The following GKAP1 variants were observed in gnomAD, a reference collection of about 807,000 sequenced individuals.
The protein encoded by GKAP1 is G kinase anchoring protein 1, also known as G kinase-anchoring protein 1.
A neutral mutation model predicts 56.7 loss-of-function variants in GKAP1; 31 were observed. The observed-to-expected ratio is 0.55, with a 90% CI of 0.41 to 0.74. The LOEUF (loss-of-function observed/expected upper bound fraction) is 0.74, where lower values mean the gene tolerates loss of function less well. Among genes scored for constraint, GKAP1 ranks in the 30% least tolerant of loss-of-function variants. The probability of loss-of-function intolerance (pLI) is 0.00; values close to 1 mark genes in which losing one functional copy is unlikely to be tolerated. For missense variants in GKAP1, 364 were observed against 402.3 expected (o/e 0.90, Z 0.82); for synonymous variants, 151 against 138.6 (o/e 1.09, Z -0.63).
At chr9:83,745,624 G>A (rs930260928) in intron 10 of GKAP1, among the ~76,000 whole-genome samples, 3 of 151,906 alleles carry the variant, frequency 2.0e-5, no homozygotes, top group African/African-American at 4.8e-5. Context: ...CATCCAATAC[G>A]CAATGATACT....
intron 8 of GKAP1, among the ~76,000 whole-genome samples, chr9:83,756,180 G>A (rs1943472069): frequency 6.6e-6 from 1 of 151,560 alleles, no homozygotes; most frequent in Non-Finnish European, 1.5e-5. Flanking sequence ...ATTATTTCAT[G>A]TATAAGAATT....
At chr9:83,794,545 C>A (rs1944212384) in intron 4 of GKAP1, among the ~76,000 whole-genome samples, 1 of 152,132 alleles carries the variant, frequency 6.6e-6, no homozygotes, top group African/African-American at 2.4e-5. Context: ...AGAGAACTTG[C>A]TATTGTGCAC....
intron 7 of GKAP1, among the ~76,000 whole-genome samples, chr9:83,779,922 A>G (rs991094123): frequency 1.3e-5 from 2 of 152,016 alleles, no homozygotes; most frequent in Non-Finnish European, 1.5e-5. Flanking sequence ...CTAACAGTGA[A>G]TGGTAAGAGA....
At position 83,806,352 on chromosome 9, in the gene GKAP1, T is replaced by G; in HGVS notation, c.166A>C (p.Arg56=). The G allele has an allele frequency of 6.4e-7, 1 of 1,558,370 alleles. No homozygotes were observed. The highest frequency in any genetic ancestry group is 8.7e-7 in the Non-Finnish European group (1 of 1,150,162). Reference sequence around the variant, plus strand: ...TCCTTCTTTTTTCTTCTTTTCTCTCTTTTTTTCTCATTTGTAGTTGACTTG... The same window carrying G: ...TCCTTCTTTTTTCTTCTTTTCTCTCGTTTTTTCTCATTTGTAGTTGACTTG... ...GSKSTTNEKK[R]EKRRKKKEQQ... The change falls in exon 3 of 13, where the codon AGA becomes CGA. Residue 56 remains arginine (R), a synonymous_variant. Coordinates refer to ENST00000376371, the MANE Select transcript of GKAP1 (RefSeq NM_025211.4).
intron 10 of GKAP1, among the ~76,000 whole-genome samples, chr9:83,747,110 GTTTCT>G (rs1375797088): frequency 6.6e-6 from 1 of 152,132 alleles, no homozygotes; most frequent in Non-Finnish European, 1.5e-5. Context: ...CTTAATCTGT[GTTTCT>G]TTTGTGGTTT....
chr9:83,779,484 CATAT>C (rs1564201565), intron 7 of GKAP1, among the ~76,000 whole-genome samples: 1 of 85,672 alleles, frequency 1.2e-5, no homozygotes, highest in Non-Finnish European at 2.5e-5. Flanking sequence ...CATATACATA[CATAT>C]ATACACATAT....
Position 83,795,156 on chromosome 9 carries a change from CAA to C in GKAP1, c.360+4027_360+4028del, listed in dbSNP as rs1031439217. On this transcript the variant is annotated intron_variant, in intron 4 of 12. Transcript: ENST00000376371. ...GGGCGACAAGAGCGAGACTCCATCT[CAA>C]AAAAAAAAAAAAAAAAAAAAAGTGA... 3.2e-3 allele frequency among the ~76,000 whole-genome samples: 204 copies of C among 64,456 alleles called. 1 individual carries two copies. Among genetic ancestry groups the C allele is most frequent in the East Asian group, 0.03 (76 of 2,530 alleles). The allele number at this position is 64,456 out of a possible 152,430, so 42.3% of individuals were successfully genotyped here.
At chr9:83,749,226 CTTTTTTTTTT>C (rs545961620) in intron 9 of GKAP1, 1 of 135,122 alleles carries the variant, frequency 7.4e-6, no homozygotes, top group African/African-American at 2.7e-5. Flanking sequence ...TATTTATTTA[CTTTTTTTTTT>C]TTTTTTTTGA....
At chr9:83,741,924 A>C in intron 12 of GKAP1, 28 bp downstream of exon 12, 1 of 1,385,626 alleles carries the variant, frequency 7.2e-7, no homozygotes. Flanking sequence ...ATTTGTGATA[A>C]AAACACTTAT....
chr9:83,765,509 C>T (rs564717431), intron 8 of GKAP1, among the ~76,000 whole-genome samples: 5 of 152,316 alleles, frequency 3.3e-5, no homozygotes, highest in African/African-American at 7.2e-5. Flanking sequence ...GATCCACCCA[C>T]GGTTTGCACC....
At position 83,806,116 on chromosome 9, in the gene GKAP1, C is replaced by CA. The variant is rs879686695; in HGVS notation, c.216+185dup. ...TAGGTGACAGAGTGAGACCCTGTCTCAAAAAAAAAAAAAGATCATTACATT... is the reference window on the plus strand; with the variant it reads ...TAGGTGACAGAGTGAGACCCTGTCTCAAAAAAAAAAAAAAGATCATTACATT... On this transcript the variant is annotated intron_variant, in intron 3 of 12. Coordinates refer to ENST00000376371, the MANE Select transcript of GKAP1 (RefSeq NM_025211.4). 3.6e-3 allele frequency among the ~76,000 whole-genome samples: 458 copies of CA among 128,216 alleles called. 1 individual carries two copies. Among genetic ancestry groups the CA allele is most frequent in the African/African-American group, 7.8e-3 (273 of 34,852 alleles). The allele number at this position is 128,216 out of a possible 152,430, so 84.1% of individuals were successfully genotyped here. A position where few individuals can be genotyped will look rare whatever the true frequency, so the allele number is the denominator to read the frequency against.
intron 4 of GKAP1, among the ~76,000 whole-genome samples, chr9:83,792,198 T>C (rs190680780): frequency 1.6e-4 from 24 of 152,316 alleles, no homozygotes; most frequent in Non-Finnish European, 3.1e-4. Flanking sequence ...AGTTGTAATA[T>C]GTATGAAGTA....
chr9:83,741,360 T>TCTCA (rs570778611), intron 12 of GKAP1, among the ~76,000 whole-genome samples: 1 of 48,654 alleles, frequency 2.1e-5, no homozygotes, highest in African/African-American at 4.9e-5. Context: ...AATATATCTC[T>TCTCA]CACACACACA....
chr9:83,792,950 C>A (rs1211429920), intron 4 of GKAP1: 3 of 1,192,752 alleles, frequency 2.5e-6, no homozygotes, highest in East Asian at 7.1e-5. Context: ...AAGATACTTA[C>A]ATGTGTCCAA....
intron 2 of GKAP1, among the ~76,000 whole-genome samples, chr9:83,810,528 G>A (rs1428641427): frequency 1.3e-5 from 2 of 152,128 alleles, no homozygotes; most frequent in Non-Finnish European, 2.9e-5. Flanking sequence ...ATCTAGTTCA[G>A]TACAGACACC....
intron 9 of GKAP1, among the ~76,000 whole-genome samples, chr9:83,752,850 C>G (rs1304780439): frequency 6.6e-6 from 1 of 152,024 alleles, no homozygotes; most frequent in African/African-American, 2.4e-5. Context: ...GTGGGCGGAT[C>G]TCTTGAGGCC....
intron 3 of GKAP1, among the ~76,000 whole-genome samples, chr9:83,804,922 G>A (rs1042727818): frequency 6.6e-6 from 1 of 151,982 alleles, no homozygotes; most frequent in Non-Finnish European, 1.5e-5. Flanking sequence ...CCCCTACTGG[G>A]AAGTGAGGAG....
intron 3 of GKAP1, among the ~76,000 whole-genome samples, chr9:83,804,236 C>A (rs1425685235): frequency 6.7e-6 from 1 of 150,176 alleles, no homozygotes; most frequent in Non-Finnish European, 1.5e-5. Flanking sequence ...GCCACCCCGT[C>A]CGGGAGGGAG....
At chr9:83,740,317 A>C (rs1943185169) in intron 12 of GKAP1, among the ~76,000 whole-genome samples, 1 of 152,116 alleles carries the variant, frequency 6.6e-6, no homozygotes, top group Non-Finnish European at 1.5e-5. Flanking sequence ...GAGCCAAAGC[A>C]AAGGAAAGGC....
Sources: allele counts gnomAD v4.1 joint callset (sites outside exome capture counted in the v4.1 genomes callset), GRCh38; gene constraint gnomAD v4.1.1; transcripts MANE v1.5; gene names NCBI Gene and HGNC (gene_info 2026-07-23, HGNC 2026-07-21).